The following NFATC3 variants were observed in gnomAD, a reference collection of about 807,000 sequenced individuals.
NFATC3 encodes the protein nuclear factor of activated T cells 3.
Under a neutral mutation model 98.6 loss-of-function variants are expected in NFATC3, and 46 were observed. The observed-to-expected ratio is 0.47, with a 90% CI of 0.37 to 0.60. The LOEUF (loss-of-function observed/expected upper bound fraction) is 0.60. Ranked by LOEUF, NFATC3 falls within the 20% of genes least tolerant of loss-of-function variation. The probability of loss-of-function intolerance (pLI) is 0.00; values close to 1 mark genes in which losing one functional copy is unlikely to be tolerated. For synonymous variants in NFATC3, 512 were observed against 472.2 expected, an observed-to-expected ratio of 1.08 and a Z score of -1.09; for missense variants, 1,256 against 1,295.5, an observed-to-expected ratio of 0.97 and a Z score of 0.47.
intron 2 of NFATC3, among the ~76,000 whole-genome samples, 160 bp downstream of exon 2, chr16:68,123,281 C>T (rs769134967): frequency 1.3e-4 from 19 of 151,952 alleles, no homozygotes; most frequent in Non-Finnish European, 2.1e-4. Flanking sequence ...TGTTTATTTT[C>T]ATTTGCATCT....
At chr16:68,195,042 C>A (rs1567544378) in intron 9 of NFATC3, among the ~76,000 whole-genome samples, 2 of 150,954 alleles carry the variant, frequency 1.3e-5, no homozygotes, top group Non-Finnish European at 3.0e-5. Context: ...CACCTAAGGT[C>A]AGGAGTTGGA....
chr16:68,109,861 TA>T (rs1363251218), intron 1 of NFATC3, among the ~76,000 whole-genome samples: 1 of 152,232 alleles, frequency 6.6e-6, no homozygotes, highest in Non-Finnish European at 1.5e-5. Flanking sequence ...TTTATTTGCA[TA>T]AAGGTGTTTA....
At chr16:68,111,289 T>G (rs1305059352) in intron 1 of NFATC3, among the ~76,000 whole-genome samples, 1 of 152,240 alleles carries the variant, frequency 6.6e-6, no homozygotes, top group African/African-American at 2.4e-5. Context: ...AAACTTGTTT[T>G]ATGAAACTGA....
intron 4 of NFATC3, among the ~76,000 whole-genome samples, chr16:68,164,262 T>A (rs1040688204): frequency 6.6e-6 from 1 of 151,978 alleles, no homozygotes; most frequent in Non-Finnish European, 1.5e-5. Context: ...ACCAGTCAGG[T>A]GTGGCGGCGT....
chr16:68,089,723 A>C (rs1055967994), intron 1 of NFATC3, among the ~76,000 whole-genome samples: 4 of 152,192 alleles, frequency 2.6e-5, no homozygotes, highest in Non-Finnish European at 5.9e-5. Context: ...ATTGTTTGCC[A>C]TTATAAAGGG....
chr16:68,153,585 C>A (rs1330784494), intron 3 of NFATC3, among the ~76,000 whole-genome samples: 1 of 152,072 alleles, frequency 6.6e-6, no homozygotes, highest in Non-Finnish European at 1.5e-5. Flanking sequence ...TAATCTTTTT[C>A]CAAAATCAGT....
chr16:68,212,905 TCAG>T (rs1214251754), intron 9 of NFATC3, among the ~76,000 whole-genome samples: 1 of 144,676 alleles, frequency 6.9e-6, no homozygotes, highest in Non-Finnish European at 1.5e-5. Flanking sequence ...TTCTTCTGCC[TCAG>T]CCTCCCAAGT....
At chr16:68,124,156 C>T (rs1310103765) in intron 2 of NFATC3, among the ~76,000 whole-genome samples, 1 of 152,130 alleles carries the variant, frequency 6.6e-6, no homozygotes, top group African/African-American at 2.4e-5. Flanking sequence ...GACTGGAGTG[C>T]AGTGGGGTAA....
chr16:68,194,001 G>A (rs1293536869), intron 9 of NFATC3, among the ~76,000 whole-genome samples: 2 of 152,158 alleles, frequency 1.3e-5, no homozygotes, highest in Non-Finnish European at 2.9e-5. Context: ...GGTCATTTGT[G>A]TGTAAACAGA....
chr16:68,195,850 A>G (rs554205973), intron 9 of NFATC3, among the ~76,000 whole-genome samples: 4 of 152,052 alleles, frequency 2.6e-5, no homozygotes, highest in Non-Finnish European at 2.9e-5. Context: ...AAAAACTGAA[A>G]CGCACTCTTT....
intron 3 of NFATC3, among the ~76,000 whole-genome samples, chr16:68,130,598 C>G (rs773902991): frequency 1.6e-4 from 24 of 152,108 alleles, no homozygotes; most frequent in Admixed American, 1.3e-4. Flanking sequence ...TCCCATTCTA[C>G]GGGTTGTCTC....
intron 3 of NFATC3, chr16:68,138,842 C>T: frequency 8.6e-7 from 1 of 1,167,584 alleles, no homozygotes; most frequent in Non-Finnish European, 1.1e-6. Context: ...TAAATCATGG[C>T]TAAGTCACTA....
chr16:68,169,088 A>G (rs905981903), intron 5 of NFATC3, among the ~76,000 whole-genome samples: 3 of 151,886 alleles, frequency 2.0e-5, no homozygotes, highest in Non-Finnish European at 4.4e-5. Context: ...TTCAGCCTAT[A>G]TTAACTTTTT....
intron 4 of NFATC3, among the ~76,000 whole-genome samples, chr16:68,165,216 A>G (rs115675886): frequency 1.5e-4 from 23 of 152,270 alleles, no homozygotes; most frequent in African/African-American, 5.3e-4. Context: ...GTTGTTCAGT[A>G]TCAGTTATAT....
At chr16:68,206,462 C>T (rs2041147948) in intron 9 of NFATC3, among the ~76,000 whole-genome samples, 1 of 152,160 alleles carries the variant, frequency 6.6e-6, no homozygotes, top group South Asian at 2.1e-4. Context: ...AATTTCCCTA[C>T]TCTAGATACT....
chr16:68,221,668 T>C, intron 9 of NFATC3: 1 of 839,532 alleles, frequency 1.2e-6, no homozygotes, highest in Non-Finnish European at 1.4e-6. Context: ...TAATGTATAG[T>C]TGAGTATAGT....
At chr16:68,181,799 C>T (rs994132372) in intron 7 of NFATC3, among the ~76,000 whole-genome samples, 3 of 151,996 alleles carry the variant, frequency 2.0e-5, no homozygotes, top group Admixed American at 6.6e-5. Flanking sequence ...TGGTGAGGTG[C>T]GCCTGTAGTG....
intron 9 of NFATC3, chr16:68,192,226 A>ATATATATATATATATATAT (rs1372509585): frequency 1.7e-5 from 1 of 59,646 alleles, no homozygotes; most frequent in Non-Finnish European, 3.3e-5. Context: ...AAAAAAAAAA[A>ATATATATATATATATATAT]AAAAATATAT....
chr16:68,127,431 A>C (rs981208069), intron 3 of NFATC3, among the ~76,000 whole-genome samples: 10 of 152,196 alleles, frequency 6.6e-5, no homozygotes, highest in African/African-American at 2.2e-4. Context: ...TTACATCTGT[A>C]ATCCCAGCAC....
Sources: gnomAD v4.1 joint callset for allele counts (sites outside exome capture counted in the v4.1 genomes callset) on GRCh38, gnomAD v4.1.1 for gene constraint, MANE v1.5 for transcripts, NCBI Gene and HGNC (gene_info 2026-07-23, HGNC 2026-07-21) for gene names.